FRMPD2: variants seen among roughly 807,000 people sequenced by gnomAD.
FRMPD2 encodes the protein FERM and PDZ domain containing 2, also known as FERM and PDZ domain-containing protein 2.
In FRMPD2, 96 loss-of-function variants were observed where a neutral mutation model predicts 140.1. That is an observed-to-expected ratio of 0.69 (90% CI 0.58 to 0.81). The LOEUF is 0.81. Among genes scored for constraint, FRMPD2 ranks in the 40% least tolerant of loss-of-function variants. FRMPD2 has a pLI of 0.00. For missense variants in FRMPD2, 1,240 were observed against 1,447.4 expected (o/e 0.86, Z 2.32); for synonymous variants, 449 against 547.6 (o/e 0.82, Z 2.52).
intron 14 of FRMPD2, 117 bp from the exon 15 acceptor site, chr10:48,201,501 G>T: frequency 1.3e-6 from 1 of 762,940 alleles, no homozygotes; most frequent in Non-Finnish European, 2.1e-6. Context: ...GCATCCACGG[G>T]TGCATGGCAG....
intron 1 of FRMPD2, among the ~76,000 whole-genome samples, chr10:48,259,692 TAAG>T (rs552669988): frequency 5.9e-5 from 9 of 151,844 alleles, no homozygotes; most frequent in Admixed American, 1.3e-4. Flanking sequence ...TTTTTAATCT[TAAG>T]AAGAAGGAAG....
At chr10:48,174,699 A>C (rs1838359397) in intron 24 of FRMPD2, among the ~76,000 whole-genome samples, 171 bp downstream of exon 24, 1 of 151,636 alleles carries the variant, frequency 6.6e-6, no homozygotes, top group African/African-American at 2.4e-5. Flanking sequence ...TGGGTTTCAC[A>C]TCCCCATAGA....
rs770249167 is a variant in FRMPD2 at position 48,212,124 on chromosome 10, T to A, written c.1456-15A>T. 2 of 1,613,432 alleles carry A rather than the reference T, an allele frequency of 1.2e-6. No homozygotes were observed. Among genetic ancestry groups the A allele is most frequent in the South Asian group, 2.2e-5 (2 of 90,992 alleles). On this transcript the variant is annotated splice_polypyrimidine_tract_variant and intron_variant, in intron 12 of 28. Coordinates refer to ENST00000374201, the MANE Select transcript of FRMPD2 (RefSeq NM_001018071.4). ...CTCTCCACCTGCTGGAAGTAAGATGTAGAAGGGAAGGGCACAATCCAGACA... is the reference window on the plus strand; with the variant it reads ...CTCTCCACCTGCTGGAAGTAAGATGAAGAAGGGAAGGGCACAATCCAGACA...
At chr10:48,224,933 A>G (rs1356095254) in intron 10 of FRMPD2, among the ~76,000 whole-genome samples, 2 of 152,270 alleles carry the variant, frequency 1.3e-5, no homozygotes, top group Non-Finnish European at 2.9e-5. Context: ...ATCAAAGCAT[A>G]TAACAGTTGT....
chr10:48,245,502 T>C (rs990455991), intron 3 of FRMPD2, among the ~76,000 whole-genome samples: 3 of 152,198 alleles, frequency 2.0e-5, no homozygotes, highest in African/African-American at 7.2e-5. Flanking sequence ...AGTTTCTTCA[T>C]CTTAAAAATG....
chr10:48,219,067 T>A lies in FRMPD2; in HGVS notation c.1455+3246A>T, dbSNP rs1839518974. Among the ~76,000 whole-genome samples the A allele has an allele frequency of 3.3e-5, 5 of 152,176 alleles. No homozygotes were observed. The South Asian group carries it at 1.0e-3, about 32-fold the overall frequency. On this transcript the variant is annotated intron_variant, in intron 12 of 28. Transcript: ENST00000374201. ...GCCAGGAACTCTAGGGGGTTGGTAC[T>A]GACCTTGAAAGGTATATAAGGTTGA... is the stretch of plus-strand genomic sequence containing the variant.
At chr10:48,255,816 A>C (rs1036488057) in intron 1 of FRMPD2, among the ~76,000 whole-genome samples, 2 of 152,204 alleles carry the variant, frequency 1.3e-5, no homozygotes, top group Non-Finnish European at 2.9e-5. Context: ...TAGAGGGAAG[A>C]GCAAGCACAA....
intron 15 of FRMPD2, among the ~76,000 whole-genome samples, chr10:48,200,773 CTGAATTATATAGATGCTCT>C (rs1839067433): frequency 3.9e-5 from 6 of 152,304 alleles, no homozygotes; most frequent in Non-Finnish European, 7.3e-5. Context: ...ATTTTACTGT[CTGAATTATATAGATGCTCT>C]TGGTTTATTT....
At chr10:48,173,635 A>C (rs1371668684) in intron 24 of FRMPD2, among the ~76,000 whole-genome samples, 1 of 152,120 alleles carries the variant, frequency 6.6e-6, no homozygotes, top group Non-Finnish European at 1.5e-5. Flanking sequence ...GAATTGGTCT[A>C]AGACAAAAAC....
chr10:48,196,525 G>A (rs1011230812), intron 15 of FRMPD2, among the ~76,000 whole-genome samples: 2 of 152,184 alleles, frequency 1.3e-5, no homozygotes, highest in Non-Finnish European at 2.9e-5. Context: ...GGAAGAGAGG[G>A]TGCAGGCCCA....
intron 16 of FRMPD2, among the ~76,000 whole-genome samples, chr10:48,191,394 G>A (rs1838827534): frequency 6.6e-6 from 1 of 152,158 alleles, no homozygotes; most frequent in African/African-American, 2.4e-5. Flanking sequence ...CCAGTTCACT[G>A]TGAAATTTCT....
intron 1 of FRMPD2, among the ~76,000 whole-genome samples, chr10:48,261,975 A>T (rs116478917): frequency 6.6e-6 from 1 of 152,198 alleles, no homozygotes; most frequent in African/African-American, 2.4e-5. Context: ...TATAACTTAC[A>T]TGCCAAAATA....
In FRMPD2 at chr10:48,192,767, A is replaced by G. The variant is rs756943773; in HGVS notation, c.2082T>C (p.Ala694=). Residue 694 remains alanine (A), a synonymous_variant, in exon 16 of 29, where the codon GCT becomes GCC. Coordinates refer to ENST00000374201, the MANE Select transcript of FRMPD2 (RefSeq NM_001018071.4). The part of the protein sequence containing the change: ...NELFVSRLQG[A]AGGLLSTSMD... ...TTGATGTACTCAGCAGGCCTCCTGC[A>G]GCACCCTGAAGCCTGGATACAAACA... The G allele has an allele frequency of 6.2e-7, 1 of 1,614,146 alleles. No homozygotes were observed. The highest frequency in any genetic ancestry group is 8.5e-7 in the Non-Finnish European group (1 of 1,180,000).
chr10:48,219,546 C>T (rs780861985), intron 12 of FRMPD2, among the ~76,000 whole-genome samples: 7 of 152,202 alleles, frequency 4.6e-5, no homozygotes, highest in Non-Finnish European at 1.0e-4. Context: ...CCAAGCCTTT[C>T]CCTTCATCCA....
intron 1 of FRMPD2, among the ~76,000 whole-genome samples, chr10:48,261,678 A>T (rs1840593056): frequency 6.6e-6 from 1 of 152,184 alleles, no homozygotes. Context: ...AAGGAAAATG[A>T]TACAGAAGAG....
intron 1 of FRMPD2, among the ~76,000 whole-genome samples, chr10:48,258,404 G>A (rs896438229): frequency 2.6e-5 from 4 of 152,112 alleles, no homozygotes; most frequent in Non-Finnish European, 4.4e-5. Context: ...TCCCTGCCCT[G>A]TTTTCTACCC....
At chr10:48,210,985 C>T (rs1290765178) in intron 13 of FRMPD2, among the ~76,000 whole-genome samples, 1 of 152,240 alleles carries the variant, frequency 6.6e-6, no homozygotes. Flanking sequence ...CGCACTTATC[C>T]CCCAGCTGTA....
In FRMPD2 at chr10:48,225,320, C is replaced by T. The variant is rs1588840750; in HGVS notation, c.1169-2050G>A. Among the ~76,000 whole-genome samples the T allele has an allele frequency of 2.0e-5, 3 of 152,236 alleles. No individual in the cohort carries two copies. In the East Asian group the frequency reaches 5.8e-4, roughly 29 times the overall value. On this transcript the variant is annotated intron_variant, in intron 10 of 28. Transcript: ENST00000374201. Reference sequence around the variant, plus strand: ...GGGGCACTCATGCATATGCCTATACCGAAAAATACCACAGGAAATGTTTTC... The same window carrying T: ...GGGGCACTCATGCATATGCCTATACTGAAAAATACCACAGGAAATGTTTTC...
intron 27 of FRMPD2, 44 bp from the exon 28 acceptor site, chr10:48,163,715 T>C (rs1423281066): frequency 2.2e-6 from 3 of 1,394,062 alleles, no homozygotes; most frequent in Non-Finnish European, 3.0e-6. Flanking sequence ...GGGATGCACA[T>C]TGTTTTTTTA....
Sources: allele counts gnomAD v4.1 joint callset (sites outside exome capture counted in the v4.1 genomes callset), GRCh38; gene constraint gnomAD v4.1.1; transcripts MANE v1.5; gene names NCBI Gene and HGNC (gene_info 2026-07-23, HGNC 2026-07-21).